ABCA1: variants seen among roughly 807,000 people sequenced by gnomAD.
ABCA1 encodes ATP binding cassette subfamily A member 1, also known as phospholipid-transporting ATPase ABCA1.
A neutral mutation model predicts 262.5 loss-of-function variants in ABCA1; 133 were observed. That is an observed-to-expected ratio of 0.51 (90% CI 0.44 to 0.59). The LOEUF (loss-of-function observed/expected upper bound fraction) is 0.59, where lower values mean the gene tolerates loss of function less well. Among genes scored for constraint, ABCA1 ranks in the 20% least tolerant of loss-of-function variants. The pLI is 0.00. For missense variants in ABCA1, 2,452 were observed against 2,777.5 expected (o/e 0.88, Z 2.63); for synonymous variants, 1,022 against 1,043.5 (o/e 0.98, Z 0.40).
intron 5 of ABCA1, among the ~76,000 whole-genome samples, chr9:104,874,100 C>A (rs1321335843): frequency 2.6e-5 from 4 of 152,176 alleles, no homozygotes; most frequent in Admixed American, 2.6e-4. Flanking sequence ...AAAAATCAAA[C>A]CAGAATCAAA....
intron 2 of ABCA1, among the ~76,000 whole-genome samples, chr9:104,895,537 C>A (rs1047898837): frequency 6.6e-6 from 1 of 152,154 alleles, no homozygotes; most frequent in Non-Finnish European, 1.5e-5. Flanking sequence ...GGATAACCGG[C>A]CCCGGTCGAG....
Position 104,803,299 on chromosome 9 carries a change from C to A in ABCA1, c.4577G>T (p.Trp1526Leu). ...IIAKSLKNKI[W>L]VNEFRYGGFS... Reference sequence around the variant, plus strand: ...AGCAACTTACCTAAACTCATTCACCCAGATCTTGTTCTTTAAGCTGCAGAG... The same window carrying A: ...AGCAACTTACCTAAACTCATTCACCAAGATCTTGTTCTTTAAGCTGCAGAG... The change falls in exon 33 of 50, where the codon TGG (tryptophan) becomes TTG (leucine). Residue 1526 changes from tryptophan to leucine, a missense_variant. By Grantham distance (61) the Trp-to-Leu change is moderately conservative. Around this residue, in one of 4 missense-constraint regions of ABCA1, gnomAD observed 752 missense variants for 944.5 expected, o/e 0.80. Coordinates refer to ENST00000374736, the MANE Select transcript of ABCA1 (RefSeq NM_005502.4). The A allele has an allele frequency of 6.2e-7, 1 of 1,614,198 alleles. No homozygotes were observed. The highest frequency in any genetic ancestry group is 1.1e-5 in the South Asian group (1 of 91,082).
chr9:104,896,727 T>A (rs1436363354), intron 2 of ABCA1, among the ~76,000 whole-genome samples: 4 of 121,150 alleles, frequency 3.3e-5, no homozygotes, highest in African/African-American at 1.3e-4. Context: ...TTTTTTTTTT[T>A]TTTTTTTTTT....
At chr9:104,837,597 T>C (rs757614300) in intron 9 of ABCA1, 30 bp from the exon 10 acceptor site, 9 of 1,612,518 alleles carry the variant, frequency 5.6e-6, no homozygotes, top group Middle Eastern at 1.6e-4. Context: ...CAAATGCTCA[T>C]ATGCATGGTC....
At chr9:104,879,738 A>G (rs56948527) in intron 5 of ABCA1, among the ~76,000 whole-genome samples, 15,379 of 152,266 alleles carry the variant, frequency 0.1, 1,683 homozygotes, top group African/African-American at 0.27. Context: ...AATGCCTAAT[A>G]CAATCTCAGA....
intron 7 of ABCA1, among the ~76,000 whole-genome samples, chr9:104,854,147 A>G (rs562967097): frequency 3.9e-5 from 6 of 152,356 alleles, no homozygotes; most frequent in East Asian, 1.9e-4. Flanking sequence ...CATGAAAAGC[A>G]TAAGAAGGAA....
Position 104,884,586 on chromosome 9 carries a change from T to C in ABCA1, c.161-18A>G. On this transcript the variant is annotated intron_variant, in intron 3 of 49. Coordinates refer to ENST00000374736, the MANE Select transcript of ABCA1 (RefSeq NM_005502.4). The stretch of plus-strand genomic sequence containing the variant: ...AAAATGGCCTGTTGAAATCGAGGAG[T>C]AGAAAAACACAGGGAGAAACATTAA... 9 of 1,613,880 alleles carry C rather than the reference T, an allele frequency of 5.6e-6. No homozygotes were observed. Among genetic ancestry groups the C allele is most frequent in the Non-Finnish European group, 7.6e-6 (9 of 1,179,944 alleles).
intron 5 of ABCA1, 70 bp downstream of exon 5, chr9:104,882,969 G>A (rs1838816898): frequency 1.5e-6 from 2 of 1,365,878 alleles, no homozygotes; most frequent in South Asian, 2.3e-5. Context: ...CCAGACACCT[G>A]GGCTACTCTC....
chr9:104,862,103 CTTTTTT>C (rs553286875), intron 5 of ABCA1, among the ~76,000 whole-genome samples: 9 of 143,170 alleles, frequency 6.3e-5, no homozygotes, highest in African/African-American at 2.3e-4. Context: ...CTTTCCTTTT[CTTTTTT>C]TTTTTTTATT....
chr9:104,829,540 A>G (rs1170133467), intron 14 of ABCA1, among the ~76,000 whole-genome samples: 7 of 152,224 alleles, frequency 4.6e-5, no homozygotes, highest in Non-Finnish European at 2.9e-5. Flanking sequence ...ACAGACATAC[A>G]TTTCAGGCAG....
rs143627226 is a variant in ABCA1 at position 104,830,057 on chromosome 9, T to C, written c.1892+868A>G. Reference sequence around the variant, plus strand: ...GAAGAAACATTACATATTTCAGATGTCTGCAATAACTACACCTCCGCCCAT... The same window carrying C: ...GAAGAAACATTACATATTTCAGATGCCTGCAATAACTACACCTCCGCCCAT... On this transcript the variant is annotated intron_variant, in intron 14 of 49. Coordinates refer to ENST00000374736, the MANE Select transcript of ABCA1 (RefSeq NM_005502.4). 3.3e-5 allele frequency among the ~76,000 whole-genome samples: 5 copies of C among 152,116 alleles called. No homozygotes were observed. The East Asian group carries it at 9.7e-4, about 29-fold the overall frequency.
chr9:104,883,794 C>T (rs1838902137), intron 4 of ABCA1, among the ~76,000 whole-genome samples: 1 of 152,230 alleles, frequency 6.6e-6, no homozygotes, highest in South Asian at 2.1e-4. Flanking sequence ...TCCGTCCTAA[C>T]TCACATCACG....
At chr9:104,876,700 C>A (rs1286111877) in intron 5 of ABCA1, among the ~76,000 whole-genome samples, 1 of 152,180 alleles carries the variant, frequency 6.6e-6, no homozygotes, top group Non-Finnish European at 1.5e-5. Flanking sequence ...CAGCAACAAC[C>A]CCATCAGAAA....
Position 104,812,660 on chromosome 9 carries a change from A to G in ABCA1, c.3964T>C (p.Trp1322Arg), listed in dbSNP as rs1831382911. 6.2e-7 allele frequency: 1 copy of G among 1,614,114 alleles called. No homozygotes were observed. Among genetic ancestry groups the G allele is most frequent in the South Asian group, 1.1e-5 (1 of 91,086 alleles). ...DGKGSYQVKG[W>R]KLTQQQFVAL... ...ACAAACTGTTGCTGTGTAAGTTTCC[A>G]GCCTTTCACCTGGTAGGACCCTTTG... The change falls in exon 28 of 50, where the codon TGG (tryptophan) becomes CGG (arginine). Residue 1322 changes from tryptophan (W) to arginine (R), a missense_variant. Around this residue, in one of 4 missense-constraint regions of ABCA1, gnomAD observed 665 missense variants for 727.3 expected, o/e 0.91. Transcript: ENST00000374736.
intron 6 of ABCA1, among the ~76,000 whole-genome samples, chr9:104,859,875 T>C (rs996143740): frequency 1.6e-4 from 24 of 151,878 alleles, no homozygotes; most frequent in Non-Finnish European, 4.4e-5. Context: ...ACCAACATGG[T>C]GAAACCCCGT....
chr9:104,896,719 T>TA (rs1284604188), intron 2 of ABCA1, among the ~76,000 whole-genome samples: 1,949 of 59,870 alleles, frequency 0.033, 85 homozygotes, highest in African/African-American at 0.17. Context: ...ATCTTTTTTT[T>TA]TTTTTTTTTT....
At chr9:104,911,055 G>A (rs897568205) in intron 1 of ABCA1, among the ~76,000 whole-genome samples, 5 of 152,216 alleles carry the variant, frequency 3.3e-5, no homozygotes, top group South Asian at 2.1e-4. Flanking sequence ...TTTCGTAATT[G>A]AGGTATAATA....
intron 34 of ABCA1, 27 bp from the exon 35 acceptor site, chr9:104,800,611 T>A: frequency 6.2e-7 from 1 of 1,609,656 alleles, no homozygotes. Flanking sequence ...CCTGCCTCAG[T>A]TGTGACTGTT....
chr9:104,827,057 G>C lies in ABCA1; in HGVS notation c.2228C>G (p.Ala743Gly), dbSNP rs1277764683. 6.2e-7 allele frequency: 1 copy of C among 1,614,194 alleles called. No individual in the cohort carries two copies. Among genetic ancestry groups the C allele is most frequent in the Non-Finnish European group, 8.5e-7 (1 of 1,180,040 alleles). ...CFLISTLFSR[A>G]NLAAACGGII... Reference sequence around the variant, plus strand: ...GCCCCCACAGGCTGCTGCCAGGTTGGCTCTGGAGAAGAGTGTGCTAATCAG... The same window carrying C: ...GCCCCCACAGGCTGCTGCCAGGTTGCCTCTGGAGAAGAGTGTGCTAATCAG... Residue 743 changes from alanine to glycine, a missense_variant, in exon 16 of 50, where the codon GCC becomes GGC. By Grantham distance (60) the Ala-to-Gly change is moderately conservative. This residue lies in a region of ABCA1 where 1,032 missense variants were observed against 1,089.7 expected (regional missense o/e 0.95). Coordinates refer to ENST00000374736, the MANE Select transcript of ABCA1 (RefSeq NM_005502.4).
Sources: allele counts gnomAD v4.1 joint callset (sites outside exome capture counted in the v4.1 genomes callset), GRCh38; gene constraint gnomAD v4.1.1; regional missense constraint gnomAD v4.1.1; transcripts MANE v1.5; gene names NCBI Gene and HGNC (gene_info 2026-07-23, HGNC 2026-07-21).